The following TAFA2 variants were observed in gnomAD, a reference collection of about 807,000 sequenced individuals.
TAFA2 encodes TAFA chemokine like family member 2.
In TAFA2, 7 loss-of-function variants were observed where a neutral mutation model predicts 18.8. That is an observed-to-expected ratio of 0.37 (90% CI 0.21 to 0.70). TAFA2 has a LOEUF of 0.70. TAFA2 is among the 30% of genes least tolerant of loss of function. The probability of loss-of-function intolerance (pLI) is 0.53; values close to 1 mark genes in which losing one functional copy is unlikely to be tolerated. For synonymous variants in TAFA2, 60 were observed against 54.2 expected (o/e 1.11, Z -0.47); for missense variants, 122 against 158.1 (o/e 0.77, Z 1.23).
chr12:61,820,533 GAGAA>G lies in TAFA2; in HGVS notation c.106+46783_106+46786del, dbSNP rs1872276239. On this transcript the variant is annotated intron_variant, in intron 2 of 4. Transcript: ENST00000416284. ...AGGAATATAAAAAGAAGAGAAGGAG[GAGAA>G]AGAAAGGAAGGAGAAAGAAAGGAAG... Among the ~76,000 whole-genome samples, 3 of 151,408 alleles carry G rather than the reference GAGAA, an allele frequency of 2.0e-5. No homozygotes were observed. In the South Asian group the frequency reaches 6.3e-4, roughly 32 times the overall value.
chr12:61,989,652 C>T (rs1385749984), intron 1 of TAFA2, among the ~76,000 whole-genome samples: 2 of 152,140 alleles, frequency 1.3e-5, no homozygotes. Flanking sequence ...CTTCTTCCCC[C>T]ACTCCCAGAA....
chr12:61,813,866 G>C (rs1871972253), intron 2 of TAFA2, among the ~76,000 whole-genome samples: 1 of 151,448 alleles, frequency 6.6e-6, no homozygotes, highest in Non-Finnish European at 1.5e-5. Context: ...GTGAAGCTTA[G>C]ACAAATTAAA....
chr12:61,835,899 C>A (rs1872900024), intron 2 of TAFA2, among the ~76,000 whole-genome samples: 1 of 151,914 alleles, frequency 6.6e-6, no homozygotes, highest in Non-Finnish European at 1.5e-5. Context: ...AGCACCCACA[C>A]TTAAGCAGCC....
intron 2 of TAFA2, among the ~76,000 whole-genome samples, chr12:61,832,016 TG>T (rs1440634690): frequency 6.6e-6 from 1 of 152,130 alleles, no homozygotes; most frequent in Non-Finnish European, 1.5e-5. Flanking sequence ...TTACCAATTA[TG>T]GCAACTTGTA....
At chr12:62,178,982 C>T (rs897687873) in intron 1 of TAFA2, among the ~76,000 whole-genome samples, 8 of 152,166 alleles carry the variant, frequency 5.3e-5, no homozygotes, top group Non-Finnish European at 1.0e-4. Context: ...TCAGAGTTTC[C>T]TTACCTGAAA....
rs1429842267 is a variant in TAFA2, at chr12:61,943,187, C to CA, written c.-1-75762dup. ...GAAAAGAATTTTCAACCCAGAATTT[C>CA]ATATCCAGCCAAACTAAGCTTCATA... On this transcript the variant is annotated intron_variant, in intron 1 of 4. Coordinates refer to ENST00000416284, the MANE Select transcript of TAFA2 (RefSeq NM_178539.5). 3.1e-5 allele frequency among the ~76,000 whole-genome samples: 3 copies of CA among 97,314 alleles called. No individual in the cohort carries two copies. The Admixed American group carries it at 3.5e-4, about 11-fold the overall frequency. The allele number at this position is 97,314 out of a possible 152,430, so 63.8% of individuals were successfully genotyped here.
chr12:61,730,626 C>T (rs184616409), intron 4 of TAFA2, among the ~76,000 whole-genome samples: 119 of 152,032 alleles, frequency 7.8e-4, no homozygotes, highest in Non-Finnish European at 1.4e-3. Flanking sequence ...TCAGGCCAAT[C>T]GATTCATGTT....
In TAFA2 at chr12:61,812,532, C is replaced by A. The variant is rs527550197; in HGVS notation, c.106+54788G>T. On this transcript the variant is annotated intron_variant, in intron 2 of 4. Coordinates refer to ENST00000416284, the MANE Select transcript of TAFA2 (RefSeq NM_178539.5). ...AACCTAAGACCCCCAAACATGACAT[C>A]CCCCGAACATGAACAATAAAATTAT... 2.2e-3 allele frequency among the ~76,000 whole-genome samples: 336 copies of A among 151,322 alleles called. 13 individuals carry two copies. The highest frequency in any genetic ancestry group is 7.6e-3 in the African/African-American group (311 of 40,694).
At chr12:62,127,006 A>G (rs1870488449) in intron 1 of TAFA2, among the ~76,000 whole-genome samples, 1 of 152,134 alleles carries the variant, frequency 6.6e-6, no homozygotes, top group Non-Finnish European at 1.5e-5. Flanking sequence ...AATATCTTAT[A>G]GGACACATTT....
intron 1 of TAFA2, among the ~76,000 whole-genome samples, chr12:61,963,121 A>T (rs1284979564): frequency 6.6e-6 from 1 of 151,874 alleles, no homozygotes; most frequent in Non-Finnish European, 1.5e-5. Context: ...TATCCAGTCT[A>T]TCATTGATGG....
chr12:61,752,296 C>A (rs943126326), intron 4 of TAFA2, among the ~76,000 whole-genome samples: 5 of 151,902 alleles, frequency 3.3e-5, no homozygotes, highest in Admixed American at 2.6e-4. Flanking sequence ...GTAATAAAAA[C>A]AAAGAATTTG....
chr12:62,179,225 G>A (rs1392521467), intron 1 of TAFA2, among the ~76,000 whole-genome samples: 1 of 152,152 alleles, frequency 6.6e-6, no homozygotes, highest in Non-Finnish European at 1.5e-5. Context: ...TTAGATTTGG[G>A]TGGTACAAGG....
chr12:61,751,335 G>A (rs573404897), intron 4 of TAFA2, among the ~76,000 whole-genome samples: 1 of 152,012 alleles, frequency 6.6e-6, no homozygotes, highest in Non-Finnish European at 1.5e-5. Context: ...TATTTGGAAT[G>A]CCATAGTGTT....
At chr12:61,864,558 G>A (rs1192445646) in intron 2 of TAFA2, among the ~76,000 whole-genome samples, 1 of 151,378 alleles carries the variant, frequency 6.6e-6, no homozygotes, top group Non-Finnish European at 1.5e-5. Flanking sequence ...CGGATCACGA[G>A]GTCAGGAGAT....
At chr12:61,936,476 G>C (rs1592498897) in intron 1 of TAFA2, among the ~76,000 whole-genome samples, 1 of 152,102 alleles carries the variant, frequency 6.6e-6, no homozygotes, top group South Asian at 2.1e-4. Context: ...GCTGAGGCAG[G>C]AGAATCACTT....
intron 2 of TAFA2, among the ~76,000 whole-genome samples, chr12:61,832,841 T>G (rs1172991885): frequency 6.6e-6 from 1 of 151,788 alleles, no homozygotes; most frequent in Non-Finnish European, 1.5e-5. Flanking sequence ...AGAAGGTGTT[T>G]GTAGAGATCA....
chr12:62,258,835 G>A, upstream of TAFA2: 2 of 260,804 alleles, frequency 7.7e-6, no homozygotes, highest in Admixed American at 1.0e-4. Context: ...TTCTCTTTCA[G>A]AGAGTGACTG....
chr12:61,949,840 T>G (rs1026392916), intron 1 of TAFA2, among the ~76,000 whole-genome samples: 3 of 152,314 alleles, frequency 2.0e-5, no homozygotes, highest in Admixed American at 1.3e-4. Context: ...GTTAAGTACA[T>G]TCACATTGTT....
intron 1 of TAFA2, among the ~76,000 whole-genome samples, chr12:61,943,561 C>T (rs550700272): frequency 0.065 from 9,604 of 147,708 alleles, 405 homozygotes; most frequent in Non-Finnish European, 0.1. Context: ...GGAAACCCAT[C>T]TCACGTGCAG....
Sources: gnomAD v4.1 joint callset for allele counts (sites outside exome capture counted in the v4.1 genomes callset) on GRCh38, gnomAD v4.1.1 for gene constraint, MANE v1.5 for transcripts, NCBI Gene and HGNC (gene_info 2026-07-23, HGNC 2026-07-21) for gene names.